Variants in PCDH15 observed in about 807,000 individuals in gnomAD.
PCDH15 encodes the protein protocadherin-15.
In PCDH15, 129 loss-of-function variants were observed where a neutral mutation model predicts 178.5. The ratio of observed to expected loss-of-function variants is 0.72; its 90% CI spans 0.63 to 0.84. PCDH15 has a LOEUF of 0.84. Ranked by LOEUF, PCDH15 falls within the 40% of genes least tolerant of loss-of-function variation. The pLI, the probability that PCDH15 is intolerant of heterozygous loss-of-function variation, is 0.00. For synonymous variants in PCDH15, 800 were observed against 732.0 expected, an observed-to-expected ratio of 1.09 and a Z score of -1.50; for missense variants, 2,230 against 2,099.9, an observed-to-expected ratio of 1.06 and a Z score of -1.21.
chr10:54,499,844 G>A (rs1056022208), intron 3 of PCDH15, among the ~76,000 whole-genome samples: 6 of 152,248 alleles, frequency 3.9e-5, no homozygotes, highest in Non-Finnish European at 5.9e-5. Context: ...GAATGACATT[G>A]AGATGTGAAA....
At chr10:54,700,378 T>C (rs2095293206) in intron 1 of PCDH15, among the ~76,000 whole-genome samples, 1 of 151,882 alleles carries the variant, frequency 6.6e-6, no homozygotes, top group South Asian at 2.1e-4. Flanking sequence ...ATGACCGAAA[T>C]GCCAGAAACA....
chr10:55,087,930 A>G (rs1186428432), intron 2 of PCDH15, among the ~76,000 whole-genome samples: 1 of 152,184 alleles, frequency 6.6e-6, no homozygotes, highest in Non-Finnish European at 1.5e-5. Context: ...ATTTATAGAT[A>G]TTACTAATAT....
At chr10:54,551,154 CAAAAA>C (rs57337778) in intron 2 of PCDH15, among the ~76,000 whole-genome samples, 6,660 of 52,330 alleles carry the variant, frequency 0.13, 255 homozygotes, top group East Asian at 0.42. Context: ...GACTCTGTCT[CAAAAA>C]AAAAAAAAAA....
chr10:54,715,421 C>T (rs181611190), intron 1 of PCDH15, among the ~76,000 whole-genome samples: 1 of 152,116 alleles, frequency 6.6e-6, no homozygotes, highest in African/African-American at 2.4e-5. Flanking sequence ...CATGCCTCAG[C>T]CACTCGGAAA....
At chr10:54,556,032 C>T (rs2133269404) in intron 2 of PCDH15, among the ~76,000 whole-genome samples, 1 of 152,288 alleles carries the variant, frequency 6.6e-6, no homozygotes, top group South Asian at 2.1e-4. Flanking sequence ...ATGCACTAGT[C>T]CTTGGAACAC....
intron 3 of PCDH15, among the ~76,000 whole-genome samples, chr10:54,846,382 G>T (rs1591738207): frequency 1.3e-5 from 2 of 152,086 alleles, no homozygotes; most frequent in South Asian, 4.2e-4. Context: ...TTAAATCATT[G>T]CCGAATGAAT....
chr10:55,561,721 G>A (rs562135572), intron 2 of PCDH15, among the ~76,000 whole-genome samples: 3 of 151,974 alleles, frequency 2.0e-5, no homozygotes, highest in East Asian at 3.9e-4. Flanking sequence ...CCTGTGGAAA[G>A]AGGAGAGCAG....
At chr10:54,288,994 G>A (rs1467282998) in intron 8 of PCDH15, among the ~76,000 whole-genome samples, 2 of 152,334 alleles carry the variant, frequency 1.3e-5, no homozygotes, top group Non-Finnish European at 2.9e-5. Flanking sequence ...CCTGTCTGAC[G>A]CTCTGAAGAG....
chr10:55,052,235 C>A (rs1591860995), intron 2 of PCDH15, among the ~76,000 whole-genome samples: 1 of 151,656 alleles, frequency 6.6e-6, no homozygotes, highest in Non-Finnish European at 1.5e-5. Flanking sequence ...CTACAGGCAC[C>A]TACCACCACG....
chr10:54,750,469 C>T (rs1207435678), intron 1 of PCDH15, among the ~76,000 whole-genome samples: 3 of 151,936 alleles, frequency 2.0e-5, no homozygotes, highest in Non-Finnish European at 2.9e-5. Flanking sequence ...TGTAAAGAAT[C>T]GATTACTACT....
At chr10:54,819,942 A>G (rs1313836980) in intron 3 of PCDH15, among the ~76,000 whole-genome samples, 2 of 152,090 alleles carry the variant, frequency 1.3e-5, no homozygotes, top group Non-Finnish European at 2.9e-5. Context: ...ATAAAAATAC[A>G]TATCATTTAG....
chr10:54,612,573 C>T (rs2092998089), intron 2 of PCDH15, among the ~76,000 whole-genome samples: 4 of 151,714 alleles, frequency 2.6e-5, no homozygotes, highest in African/African-American at 9.6e-5. Flanking sequence ...TACAGAAAAA[C>T]ATAATCTAAA....
chr10:54,615,060 G>T (rs1209433598), intron 2 of PCDH15, among the ~76,000 whole-genome samples: 4 of 151,886 alleles, frequency 2.6e-5, no homozygotes, highest in Non-Finnish European at 5.9e-5. Context: ...ACACAATGTT[G>T]TCTAAATGTT....
At chr10:55,517,658 C>T (rs1377619744) in intron 2 of PCDH15, among the ~76,000 whole-genome samples, 1 of 152,112 alleles carries the variant, frequency 6.6e-6, no homozygotes, top group Non-Finnish European at 1.5e-5. Flanking sequence ...GAATTTACCT[C>T]ATAGAATAAT....
intron 3 of PCDH15, among the ~76,000 whole-genome samples, chr10:54,437,383 T>G (rs972437458): frequency 3.3e-5 from 5 of 152,106 alleles, no homozygotes; most frequent in African/African-American, 1.2e-4. Flanking sequence ...AAGAAAAAAA[T>G]TAATAAATTT....
At chr10:54,504,007 C>T (rs2080954496) in intron 3 of PCDH15, among the ~76,000 whole-genome samples, 1 of 152,098 alleles carries the variant, frequency 6.6e-6, no homozygotes, top group Non-Finnish European at 1.5e-5. Context: ...ACTTCAGGCT[C>T]CTAGTGAAGA....
intron 32 of PCDH15, chr10:53,822,600 T>C (rs949431572): frequency 1.2e-6 from 2 of 1,613,848 alleles, no homozygotes; most frequent in South Asian, 1.1e-5. Flanking sequence ...GAGTGAAGAA[T>C]GTAAAACACA....
intron 4 of PCDH15, among the ~76,000 whole-genome samples, chr10:54,375,005 G>A (rs1157173781): frequency 1.3e-5 from 2 of 151,872 alleles, no homozygotes; most frequent in African/African-American, 2.4e-5. Context: ...ACAGTTTATT[G>A]CCTCAATGAG....
intron 28 of PCDH15, among the ~76,000 whole-genome samples, chr10:53,855,359 T>A (rs1219914365): frequency 2.6e-5 from 4 of 152,194 alleles, no homozygotes; most frequent in African/African-American, 9.6e-5. Context: ...ACAATTCTAA[T>A]TATTTTTAAA....
Sources: gnomAD v4.1 joint callset for allele counts (sites outside exome capture counted in the v4.1 genomes callset) on GRCh38, gnomAD v4.1.1 for gene constraint, MANE v1.5 for transcripts, NCBI Gene and HGNC (gene_info 2026-07-23, HGNC 2026-07-21) for gene names.